The following DOT1L variants were observed in gnomAD, a reference collection of about 807,000 sequenced individuals.
The protein encoded by DOT1L is histone-lysine N-methyltransferase, H3 lysine-79 specific.
DOT1L carries 33 observed loss-of-function variants against 153.3 expected under a neutral mutation model. The ratio of observed to expected loss-of-function variants is 0.22; its 90% CI spans 0.16 to 0.29. DOT1L has a LOEUF of 0.29. Ranked by LOEUF, DOT1L falls within the 10% of genes least tolerant of loss-of-function variation. DOT1L has a pLI of 1.00. For missense variants in DOT1L, 1,847 were observed against 2,119.9 expected (o/e 0.87, Z 2.53); for synonymous variants, 1,135 against 965.1 (o/e 1.18, Z -3.26).
rs550842660 is a variant in DOT1L at position 2,193,816 on chromosome 19, G to A, written c.588+33G>A. On this transcript the variant is annotated intron_variant, in intron 6 of 27. Transcript: ENST00000398665. The surrounding 1 kb of genome is among the most constrained non-coding windows in gnomAD (Gnocchi z 5.9). ...GATCTGAGGGCCAGGGTGTGTTGGA[G>A]GCAGGGGACCATCAGAGAAAGTGAC... 1.0e-4 allele frequency: 162 copies of A among 1,604,530 alleles called. No individual in the cohort carries two copies. The highest frequency in any genetic ancestry group is 1.3e-4 in the Non-Finnish European group (153 of 1,174,084).
At chr19:2,218,412 C>G (rs537868686) in intron 22 of DOT1L, among the ~76,000 whole-genome samples, 9 of 152,026 alleles carry the variant, frequency 5.9e-5, no homozygotes, top group Non-Finnish European at 1.0e-4. Flanking sequence ...TTTTATTTTT[C>G]AGACGGAGTC....
At chr19:2,210,904 C>T in intron 14 of DOT1L, 49 bp downstream of exon 14, 2 of 1,591,364 alleles carry the variant, frequency 1.3e-6, no homozygotes, top group Non-Finnish European at 1.7e-6. Flanking sequence ...GTGCGGATGC[C>T]TGGGGTCCCC....
In DOT1L at chr19:2,225,377, T is replaced by C. The variant is rs367559765; in HGVS notation, c.3597-11T>C. The C allele has an allele frequency of 8.4e-5, 136 of 1,613,704 alleles. 1 individual carries two copies. The highest frequency in any genetic ancestry group is 4.9e-4 in the Middle Eastern group (3 of 6,084). On this transcript the variant is annotated splice_polypyrimidine_tract_variant and intron_variant, in intron 25 of 27. Transcript: ENST00000398665. ...GGGTTTCAAGCATTAATGACCTTTT[T>C]TTCTTAACAGAATTGAGAGAAAAAT...
At chr19:2,228,437 TTGGCAGAGAAGACG>T (rs1222010440) in intron 27 of DOT1L, 12 of 1,230,706 alleles carry the variant, frequency 9.8e-6, no homozygotes, top group Middle Eastern at 5.0e-4. Flanking sequence ...TGTCCTTCCT[TTGGCAGAGAAGACG>T]GCCACAGGGC....
In DOT1L at chr19:2,216,582, C is replaced by A. The variant is rs1366871233; in HGVS notation, c.2225C>A (p.Pro742His). ...KQNTPQYLAS[P>H]LDQEVVPCTP... Reference sequence around the variant, plus strand: ...AACACGCCCCAGTACCTGGCCTCACCCCTGGACCAGGAGGTGGTGCCCTGT... The same window carrying A: ...AACACGCCCCAGTACCTGGCCTCACACCTGGACCAGGAGGTGGTGCCCTGT... The change falls in exon 20 of 28, where the codon CCC becomes CAC. Residue 742 changes from proline (P) to histidine (H), a missense_variant. By Grantham distance (77) the Pro-to-His change is moderately conservative. Coordinates refer to ENST00000398665, the MANE Select transcript of DOT1L (RefSeq NM_032482.3). 6.2e-7 allele frequency: 1 copy of A among 1,608,788 alleles called. No individual in the cohort carries two copies. The highest frequency in any genetic ancestry group is 1.1e-5 in the South Asian group (1 of 91,074).
rs369456325 is a variant in DOT1L, at chr19:2,221,940, C to T, written c.2807-36C>T. ...CAGCAAGGCTTTCTCTTTGGCCATC[C>T]TGTGTCCCCTGAGACCCCCATGTCC... is the stretch of plus-strand genomic sequence containing the variant. On this transcript the variant is annotated intron_variant, in intron 23 of 27. Transcript: ENST00000398665. 187 of 1,551,154 alleles carry T rather than the reference C, an allele frequency of 1.2e-4. 2 individuals carry two copies. The African/African-American group carries it at 2.4e-3, about 20-fold the overall frequency.
In DOT1L at chr19:2,197,465, C is replaced by G. The variant is rs748184737; in HGVS notation, c.652-2419C>G. ...CGGTCTGGCTGGGCTGAGCCTTGCT[C>G]AGGAGAGGGGTGCTGTCGGGTGGTG... On this transcript the variant is annotated intron_variant, in intron 7 of 27. Coordinates refer to ENST00000398665, the MANE Select transcript of DOT1L (RefSeq NM_032482.3). The surrounding 1 kb of genome is among the most constrained non-coding windows in gnomAD (Gnocchi z 4.1). Among the ~76,000 whole-genome samples, 3 of 152,218 alleles carry G rather than the reference C, an allele frequency of 2.0e-5. No individual in the cohort carries two copies. Among genetic ancestry groups the G allele is most frequent in the African/African-American group, 7.2e-5 (3 of 41,450 alleles).
chr19:2,208,866 G>A lies in DOT1L; in HGVS notation c.964-69G>A. ...ACTGTCCAGGTTGCTGTTGTTACCT[G>A]GGTGTCCAGACAAATCCGAACAGAG... On this transcript the variant is annotated intron_variant, in intron 11 of 27. Coordinates refer to ENST00000398665, the MANE Select transcript of DOT1L (RefSeq NM_032482.3). The surrounding 1 kb of genome is among the most constrained non-coding windows in gnomAD (Gnocchi z 4.4). 3 of 1,531,412 alleles carry A rather than the reference G, an allele frequency of 2.0e-6. No individual in the cohort carries two copies. The highest frequency in any genetic ancestry group is 2.7e-6 in the Non-Finnish European group (3 of 1,117,348). The allele number at this position is 1,531,412 out of a possible 1,614,324, so 94.9% of individuals were successfully genotyped here. A position where few individuals can be genotyped will look rare whatever the true frequency, so the allele number is the denominator to read the frequency against.
In DOT1L at chr19:2,187,910, A is replaced by C. The variant is rs571879822; in HGVS notation, c.201-1822A>C. Among the ~76,000 whole-genome samples, 995 of 136,910 alleles carry C rather than the reference A, an allele frequency of 7.3e-3. 14 individuals carry two copies. The highest frequency in any genetic ancestry group is 0.027 in the African/African-American group (963 of 36,110). The allele number at this position is 136,910 out of a possible 152,430, so 89.8% of individuals were successfully genotyped here. A position where few individuals can be genotyped will look rare whatever the true frequency, so the allele number is the denominator to read the frequency against. On this transcript the variant is annotated intron_variant, in intron 3 of 27. Coordinates refer to ENST00000398665, the MANE Select transcript of DOT1L (RefSeq NM_032482.3). Reference sequence around the variant, plus strand: ...GCACTCCAGCCTGGGTGACAGAGCGAGACTCCATCTCAGAAAAAAAAAAAA... The same window carrying C: ...GCACTCCAGCCTGGGTGACAGAGCGCGACTCCATCTCAGAAAAAAAAAAAA...
At chr19:2,195,292 A>G (rs1568344059) in intron 7 of DOT1L, among the ~76,000 whole-genome samples, 3 of 152,024 alleles carry the variant, frequency 2.0e-5, no homozygotes. Flanking sequence ...GTCCTTAGAC[A>G]CCAGGCTCCG....
intron 19 of DOT1L, 43 bp from the exon 20 acceptor site, chr19:2,216,238 G>A: frequency 6.6e-7 from 1 of 1,526,148 alleles, no homozygotes; most frequent in South Asian, 1.3e-5. Context: ...CCCTGGAGTG[G>A]TCCCCCGGTG....
At chr19:2,214,299 C>G (rs1319446431) in intron 18 of DOT1L, 172 bp from the exon 19 acceptor site, 1 of 1,185,108 alleles carries the variant, frequency 8.4e-7, no homozygotes, top group East Asian at 2.6e-5. Flanking sequence ...CCGTGGGGGG[C>G]CCCAGTCTCC....
Position 2,217,695 on chromosome 19 carries a change from C to G in DOT1L, c.2545-77C>G. The G allele has an allele frequency of 6.5e-7, 1 of 1,531,360 alleles. No homozygotes were observed. Among genetic ancestry groups the G allele is most frequent in the Non-Finnish European group, 8.8e-7 (1 of 1,136,166 alleles). The allele number at this position is 1,531,360 out of a possible 1,614,324, so 94.9% of individuals were successfully genotyped here. ...CGCCTTGAGAGAGCTGTAGCAGGCC[C>G]CCGTCCTGTGGCTGTGGTCCCTGTG... On this transcript the variant is annotated intron_variant, in intron 21 of 27. Transcript: ENST00000398665. This position sits in a 1 kb window ranked among gnomAD's most constrained non-coding sequence, Gnocchi z 7.3.
intron 1 of DOT1L, among the ~76,000 whole-genome samples, chr19:2,171,921 G>T (rs2021652492): frequency 6.6e-6 from 1 of 152,206 alleles, no homozygotes; most frequent in South Asian, 2.1e-4. Context: ...GGCGGCTTTT[G>T]CATTGGAATC....
intron 1 of DOT1L, among the ~76,000 whole-genome samples, chr19:2,168,527 A>G (rs1220664005): frequency 6.6e-6 from 1 of 152,184 alleles, no homozygotes; most frequent in African/African-American, 2.4e-5. Context: ...GGTTTGCCCA[A>G]TTGGCAAACG....
intron 2 of DOT1L, among the ~76,000 whole-genome samples, chr19:2,185,271 A>G (rs1387144901): frequency 6.6e-6 from 1 of 152,074 alleles, no homozygotes; most frequent in Non-Finnish European, 1.5e-5. Context: ...GGGTCCCTAG[A>G]CCAGCCCTGT....
chr19:2,167,978 G>A (rs558444939), intron 1 of DOT1L, among the ~76,000 whole-genome samples: 5 of 152,114 alleles, frequency 3.3e-5, no homozygotes, highest in South Asian at 4.1e-4. Flanking sequence ...CAGGTGATCC[G>A]TCCACCTCGG....
rs1054236748 is a variant in DOT1L at position 2,231,157 on chromosome 19, T to G, written c.*1365T>G. The G allele has an allele frequency of 3.5e-5, 8 of 227,518 alleles. No homozygotes were observed. Among genetic ancestry groups the G allele is most frequent in the Non-Finnish European group, 6.1e-5 (7 of 114,520 alleles). 14.1% of individuals were successfully genotyped at this position (227,518 alleles called of 1,614,324 possible). On this transcript the variant is annotated 3_prime_UTR_variant, in exon 28 of 28. Coordinates refer to ENST00000398665, the MANE Select transcript of DOT1L (RefSeq NM_032482.3). ...TGGGTTGTCTGAGCAGTGGTGGCTC[T>G]GTGCCCTCCCTGGAGGATGGGATCT...
At position 2,190,835 on chromosome 19, in the gene DOT1L, T is replaced by C. The variant is rs887040366; in HGVS notation, c.265-177T>C. Among the ~76,000 whole-genome samples, 10 of 151,660 alleles carry C rather than the reference T, an allele frequency of 6.6e-5. No homozygotes were observed. The highest frequency in any genetic ancestry group is 2.0e-4 in the Admixed American group (3 of 15,252). On this transcript the variant is annotated intron_variant, in intron 4 of 27. Transcript: ENST00000398665. The surrounding 1 kb of genome is among the most constrained non-coding windows in gnomAD (Gnocchi z 4.8). ...TCCCTGGGGATGCTGCTTTACTGCTTGTAGGAAATGGGGCTGGGTTGGAAA... is the reference window on the plus strand; with the variant it reads ...TCCCTGGGGATGCTGCTTTACTGCTCGTAGGAAATGGGGCTGGGTTGGAAA...
Sources: gnomAD v4.1 joint callset for allele counts (sites outside exome capture counted in the v4.1 genomes callset) on GRCh38, gnomAD v4.1.1 for gene constraint, Gnocchi (gnomAD v3.1) non-coding constraint, MANE v1.5 for transcripts, NCBI Gene and HGNC (gene_info 2026-07-23, HGNC 2026-07-21) for gene names.